RAD54L2: variants seen among roughly 807,000 people sequenced by gnomAD.
RAD54L2 encodes helicase ARIP4.
RAD54L2 carries 27 observed loss-of-function variants against 138.4 expected under a neutral mutation model. The observed-to-expected ratio is 0.20, with a 90% CI of 0.14 to 0.27. The LOEUF (loss-of-function observed/expected upper bound fraction) is 0.27. Among genes scored for constraint, RAD54L2 ranks in the 10% least tolerant of loss-of-function variants. The pLI, the probability that RAD54L2 is intolerant of heterozygous loss-of-function variation, is 1.00. For synonymous variants in RAD54L2, 644 were observed against 723.2 expected (o/e 0.89, Z 1.76); for missense variants, 1,396 against 1,890.2 (o/e 0.74, Z 4.85).
In RAD54L2 at chr3:51,643,924, G is replaced by A. The variant is rs374758264; in HGVS notation, c.2400G>A (p.Gln800=). Residue 800 remains glutamine (Q), a synonymous_variant, in exon 16 of 23, where the codon CAG becomes CAA. Transcript: ENST00000684192. ...PAFERERLIN[Q]FNDPSNLTTW... is the part of the protein sequence containing the mutation. ...TTGAGAGGGAGCGGCTTATTAATCAGTTCAATGATCCCAGCAACCTCACCA... is the reference window on the plus strand; with the variant it reads ...TTGAGAGGGAGCGGCTTATTAATCAATTCAATGATCCCAGCAACCTCACCA... 1.8e-5 allele frequency: 29 copies of A among 1,608,066 alleles called. No homozygotes were observed. Among genetic ancestry groups the A allele is most frequent in the Non-Finnish European group, 2.0e-5 (23 of 1,177,402 alleles).
At chr3:51,612,679 T>C (rs1700355832) in intron 3 of RAD54L2, among the ~76,000 whole-genome samples, 1 of 125,818 alleles carries the variant, frequency 7.9e-6, no homozygotes, top group African/African-American at 3.3e-5. Flanking sequence ...TTGTTCATGA[T>C]GGTCTTTGTT....
At chr3:51,609,007 C>CT (rs988615148) in intron 3 of RAD54L2, among the ~76,000 whole-genome samples, 5 of 152,148 alleles carry the variant, frequency 3.3e-5, no homozygotes, top group Admixed American at 2.0e-4. Flanking sequence ...TCTCCTGCCT[C>CT]TCCCTCCTGA....
intron 3 of RAD54L2, among the ~76,000 whole-genome samples, chr3:51,605,938 C>G (rs935330654): frequency 2.6e-4 from 40 of 152,068 alleles, no homozygotes; most frequent in Admixed American, 4.6e-4. Context: ...GGAGGAATAA[C>G]CATTAAACTG....
At chr3:51,629,657 G>A (rs529205243) in intron 5 of RAD54L2, among the ~76,000 whole-genome samples, 184 bp downstream of exon 5, 1 of 152,110 alleles carries the variant, frequency 6.6e-6, no homozygotes, top group East Asian at 1.9e-4. Context: ...TCAGGAGTTC[G>A]AGACCAGTCT....
At chr3:51,649,378 A>G (rs967469799) in intron 19 of RAD54L2, among the ~76,000 whole-genome samples, 5 of 152,350 alleles carry the variant, frequency 3.3e-5, no homozygotes, top group African/African-American at 1.2e-4. Flanking sequence ...ACTCTTCAGG[A>G]TATTATCCAG....
At chr3:51,584,799 T>A (rs989869644) in intron 2 of RAD54L2, among the ~76,000 whole-genome samples, 6 of 151,814 alleles carry the variant, frequency 4.0e-5, no homozygotes, top group African/African-American at 1.5e-4. Context: ...CTGTTCTTTT[T>A]AAAAATTTTT....
At chr3:51,659,076 T>C (rs186297631) in intron 21 of RAD54L2, among the ~76,000 whole-genome samples, 1 of 151,624 alleles carries the variant, frequency 6.6e-6, no homozygotes, top group Admixed American at 6.6e-5. Context: ...TATAAAGCTC[T>C]TACAAAAACC....
intron 3 of RAD54L2, among the ~76,000 whole-genome samples, chr3:51,605,768 T>C (rs907177326): frequency 2.6e-5 from 4 of 152,196 alleles, no homozygotes; most frequent in African/African-American, 7.2e-5. Flanking sequence ...TTATGTACTT[T>C]AGATACGTCT....
At chr3:51,623,838 A>G (rs1451543072) in intron 3 of RAD54L2, among the ~76,000 whole-genome samples, 2 of 152,058 alleles carry the variant, frequency 1.3e-5, no homozygotes, top group South Asian at 2.1e-4. Context: ...TTAGCCGGGC[A>G]TGGTGGTGGG....
At chr3:51,558,020 A>G (rs1228282503) in intron 2 of RAD54L2, among the ~76,000 whole-genome samples, 2 of 151,656 alleles carry the variant, frequency 1.3e-5, no homozygotes, top group Non-Finnish European at 2.9e-5. Context: ...TAATTTTTGT[A>G]TATTTTGTAG....
intron 2 of RAD54L2, among the ~76,000 whole-genome samples, chr3:51,582,900 G>A (rs1044189701): frequency 9.9e-5 from 15 of 151,970 alleles, no homozygotes; most frequent in Non-Finnish European, 7.4e-5. Flanking sequence ...CGAGTAGCTG[G>A]GACTACAGGC....
chr3:51,644,760 G>C (rs1002049176), intron 16 of RAD54L2, among the ~76,000 whole-genome samples: 2 of 152,144 alleles, frequency 1.3e-5, no homozygotes, highest in Non-Finnish European at 2.9e-5. Context: ...TCCCTCCAAG[G>C]CCAGGATGCG....
At chr3:51,552,505 A>G (rs1336724398) in intron 2 of RAD54L2, among the ~76,000 whole-genome samples, 1 of 138,608 alleles carries the variant, frequency 7.2e-6, no homozygotes, top group Non-Finnish European at 1.5e-5. Context: ...CTCATGATCC[A>G]CCTGCCTCGG....
intron 2 of RAD54L2, among the ~76,000 whole-genome samples, chr3:51,572,384 T>G (rs1463631084): frequency 6.7e-6 from 1 of 148,330 alleles, no homozygotes; most frequent in Non-Finnish European, 1.5e-5. Flanking sequence ...ACCCAAAAGA[T>G]GGAGGCTGCA....
rs1477223830 is a variant in RAD54L2 at position 51,645,802 on chromosome 3, T to G, written c.2829+39T>G. The G allele has an allele frequency of 1.9e-6, 3 of 1,559,476 alleles. No homozygotes were observed. In the Admixed American group the frequency reaches 5.8e-5, roughly 30 times the overall value. ...ATGCATGCAATCCCCAGAGTGGCAG[T>G]CTCTCTGTCAAAGGAGGCTTGTCTT... is the stretch of plus-strand genomic sequence containing the variant. On this transcript the variant is annotated intron_variant, in intron 18 of 22. Transcript: ENST00000684192. The surrounding 1 kb of genome is among the most constrained non-coding windows in gnomAD (Gnocchi z 6.1).
Position 51,654,556 on chromosome 3 carries a change from G to C in RAD54L2, c.3027-1415G>C, listed in dbSNP as rs1423553795. ...AGTCACTCTCTTTCAAAACTTTCAG[G>C]CTTTATTTCTGTCATTTCCCAAGAT... is the stretch of plus-strand genomic sequence containing the variant. On this transcript the variant is annotated intron_variant, in intron 19 of 22. Coordinates refer to ENST00000684192, the MANE Select transcript of RAD54L2 (RefSeq NM_015106.4). Among the ~76,000 whole-genome samples the C allele has an allele frequency of 2.0e-5, 3 of 152,100 alleles. No homozygotes were observed. The East Asian group carries it at 5.8e-4, about 29-fold the overall frequency.
chr3:51,546,549 A>G (rs1698699955), intron 2 of RAD54L2, among the ~76,000 whole-genome samples: 1 of 151,908 alleles, frequency 6.6e-6, no homozygotes, highest in African/African-American at 2.4e-5. Context: ...CTGAGGCAGG[A>G]GAACCACTTG....
chr3:51,626,750 C>T (rs558773367), intron 3 of RAD54L2, among the ~76,000 whole-genome samples: 2 of 152,030 alleles, frequency 1.3e-5, no homozygotes, highest in Non-Finnish European at 2.9e-5. Context: ...CAGCCCCCAA[C>T]TATCTTTTAA....
chr3:51,659,874 T>C (rs1213867558), intron 21 of RAD54L2, among the ~76,000 whole-genome samples, 152 bp from the exon 22 acceptor site: 1 of 152,228 alleles, frequency 6.6e-6, no homozygotes, highest in Admixed American at 6.5e-5. Context: ...AGTCCATAGC[T>C]CAGTCACCCC....
Sources: allele counts gnomAD v4.1 joint callset (sites outside exome capture counted in the v4.1 genomes callset), GRCh38; gene constraint gnomAD v4.1.1; non-coding constraint Gnocchi (gnomAD v3.1); transcripts MANE v1.5; gene names NCBI Gene and HGNC (gene_info 2026-07-23, HGNC 2026-07-21).